ZRANB3: variants seen among roughly 807,000 people sequenced by gnomAD.
ZRANB3 encodes the protein DNA annealing helicase and endonuclease ZRANB3.
In ZRANB3, 125 loss-of-function variants were observed where a neutral mutation model predicts 133.8. The ratio of observed to expected loss-of-function variants is 0.93; its 90% CI spans 0.81 to 1.08. The LOEUF is 1.08. ZRANB3 is among the 50% of genes least tolerant of loss of function. ZRANB3 has a pLI of 0.00. For synonymous variants in ZRANB3, 387 were observed against 432.7 expected, an observed-to-expected ratio of 0.89 and a Z score of 1.31; for missense variants, 1,229 against 1,275.5, an observed-to-expected ratio of 0.96 and a Z score of 0.56.
chr2:135,349,259 G>A (rs1202258536), intron 5 of ZRANB3, among the ~76,000 whole-genome samples: 1 of 152,100 alleles, frequency 6.6e-6, no homozygotes, highest in Non-Finnish European at 1.5e-5. Flanking sequence ...CAAGGCATAG[G>A]GTGAGGAACT....
At chr2:135,408,944 G>A (rs190731528) in intron 2 of ZRANB3, among the ~76,000 whole-genome samples, 1 of 152,026 alleles carries the variant, frequency 6.6e-6, no homozygotes, top group Admixed American at 6.6e-5. Context: ...CCTGCACGTT[G>A]GCAGATGTAC....
At chr2:135,483,729 G>A (rs561761907) in intron 2 of ZRANB3, among the ~76,000 whole-genome samples, 3 of 152,144 alleles carry the variant, frequency 2.0e-5, no homozygotes, top group South Asian at 2.1e-4. Context: ...GATCTTTCCC[G>A]CTTTCTCTTG....
At chr2:135,439,763 T>G (rs1226197222) in intron 2 of ZRANB3, among the ~76,000 whole-genome samples, 1 of 152,200 alleles carries the variant, frequency 6.6e-6, no homozygotes, top group African/African-American at 2.4e-5. Context: ...ATTTAACTGG[T>G]ATAATGCAGT....
chr2:135,486,147 C>G (rs762310854), intron 2 of ZRANB3, among the ~76,000 whole-genome samples: 2 of 152,138 alleles, frequency 1.3e-5, no homozygotes, highest in African/African-American at 4.8e-5. Context: ...ATGACTTATG[C>G]CACATCAATT....
At chr2:135,361,800 AG>A (rs1272902114) in intron 3 of ZRANB3, among the ~76,000 whole-genome samples, 1 of 152,224 alleles carries the variant, frequency 6.6e-6, no homozygotes, top group Non-Finnish European at 1.5e-5. Context: ...CTTATTATTA[AG>A]GGGGTATATA....
chr2:135,452,016 T>C (rs957003151), intron 2 of ZRANB3, among the ~76,000 whole-genome samples: 4 of 152,168 alleles, frequency 2.6e-5, no homozygotes, highest in Admixed American at 1.3e-4. Flanking sequence ...GGAAAAATTA[T>C]AAACATTTGT....
chr2:135,511,454 A>T, intron 1 of ZRANB3: 1 of 827,314 alleles, frequency 1.2e-6, no homozygotes. Context: ...GTACCACCTG[A>T]GGTGTTTGCT....
intron 1 of ZRANB3, among the ~76,000 whole-genome samples, chr2:135,527,728 C>G (rs1194848608): frequency 1.3e-5 from 2 of 152,092 alleles, no homozygotes; most frequent in African/African-American, 4.8e-5. Flanking sequence ...TCTATTCAGC[C>G]ACAACCATAG....
rs559886119 is a variant in ZRANB3, at chr2:135,315,199, T to C, written c.849+160A>G. On this transcript the variant is annotated intron_variant, in intron 7 of 20. Transcript: ENST00000264159. Reference sequence around the variant, plus strand: ...ATGAATAAAATTGAATTCTTCCTGCTTTCTTGCTGAAATACAAAACCAATG... The same window carrying C: ...ATGAATAAAATTGAATTCTTCCTGCCTTCTTGCTGAAATACAAAACCAATG... Among the ~76,000 whole-genome samples the C allele has an allele frequency of 2.0e-5, 3 of 152,366 alleles. No individual in the cohort carries two copies. The South Asian group carries it at 6.2e-4, about 32-fold the overall frequency.
intron 20 of ZRANB3, 100 bp from the exon 21 acceptor site, chr2:135,200,540 C>G: frequency 1.1e-6 from 1 of 938,952 alleles, no homozygotes; most frequent in Non-Finnish European, 1.6e-6. Flanking sequence ...AATCTACAGT[C>G]ACTACACCCA....
chr2:135,233,261 T>C (rs185835554), intron 12 of ZRANB3, among the ~76,000 whole-genome samples: 10 of 152,128 alleles, frequency 6.6e-5, no homozygotes, highest in Admixed American at 2.6e-4. Context: ...TAAAAAGAAA[T>C]GAACAAAGCC....
intron 2 of ZRANB3, among the ~76,000 whole-genome samples, chr2:135,457,253 T>A (rs924496027): frequency 2.0e-5 from 3 of 152,204 alleles, no homozygotes; most frequent in Non-Finnish European, 4.4e-5. Context: ...TGAAAAATAG[T>A]GAAAGACCAA....
At chr2:135,505,501 G>A (rs79013567) in intron 1 of ZRANB3, among the ~76,000 whole-genome samples, 15,842 of 151,992 alleles carry the variant, frequency 0.1, 1,086 homozygotes, top group South Asian at 0.32. Context: ...TTGAACCCAG[G>A]AGGCAGAGGT....
At chr2:135,271,959 A>C (rs1680539502) in intron 9 of ZRANB3, 72 bp from the exon 10 acceptor site, 1 of 1,383,078 alleles carries the variant, frequency 7.2e-7, no homozygotes, top group African/African-American at 1.5e-5. Context: ...TATATTTTAC[A>C]GCTTATTTTT....
Position 135,224,439 on chromosome 2 carries a change from T to C in ZRANB3, c.2237A>G (p.His746Arg). The part of the protein sequence containing the change: ...FCASRNTDRI[H>R]IYTKDGKQMS... The stretch of plus-strand genomic sequence containing the variant: ...CATGACGCTTACCTTAGTATAGATG[T>C]GAATCCGGTCAGTATTCCTACTTGC... Residue 746 changes from histidine to arginine, a missense_variant, in exon 15 of 21, where the codon CAC becomes CGC. By Grantham distance (29) the His-to-Arg change is conservative (BLOSUM62 0). Coordinates refer to ENST00000264159, the MANE Select transcript of ZRANB3 (RefSeq NM_032143.4). The C allele has an allele frequency of 6.2e-7, 1 of 1,612,478 alleles. No homozygotes were observed. The highest frequency in any genetic ancestry group is 8.5e-7 in the Non-Finnish European group (1 of 1,179,076).
At chr2:135,465,995 T>A (rs1019586282) in intron 2 of ZRANB3, among the ~76,000 whole-genome samples, 3 of 152,214 alleles carry the variant, frequency 2.0e-5, no homozygotes, top group Admixed American at 2.0e-4. Flanking sequence ...GCAGACCAAG[T>A]AGCTGATCAT....
chr2:135,387,722 C>T (rs763474425), intron 3 of ZRANB3, among the ~76,000 whole-genome samples: 1 of 151,890 alleles, frequency 6.6e-6, no homozygotes, highest in South Asian at 2.1e-4. Flanking sequence ...TTATGATGGA[C>T]AGGAAGGTGG....
At chr2:135,229,408 C>T (rs905162506) in intron 13 of ZRANB3, among the ~76,000 whole-genome samples, 3 of 149,230 alleles carry the variant, frequency 2.0e-5, no homozygotes, top group Non-Finnish European at 4.4e-5. Flanking sequence ...CGCTCTGTTG[C>T]CCAGCCTGGA....
intron 14 of ZRANB3, 65 bp from the exon 15 acceptor site, chr2:135,224,582 A>C (rs1573705054): frequency 8.4e-7 from 1 of 1,186,996 alleles, no homozygotes; most frequent in Non-Finnish European, 1.2e-6. Context: ...AGCTTATTTT[A>C]ATCGTGTGTA....
Sources: allele counts gnomAD v4.1 joint callset (sites outside exome capture counted in the v4.1 genomes callset), GRCh38; gene constraint gnomAD v4.1.1; transcripts MANE v1.5; gene names NCBI Gene and HGNC (gene_info 2026-07-23, HGNC 2026-07-21).